Variants in CTNNA2 observed in about 807,000 individuals in gnomAD.
CTNNA2 encodes the protein catenin alpha 2, also known as catenin alpha-2.
CTNNA2 carries 42 observed loss-of-function variants against 101.0 expected under a neutral mutation model. That is an observed-to-expected ratio of 0.42 (90% CI 0.32 to 0.54). The LOEUF is 0.54. Among genes scored for constraint, CTNNA2 ranks in the 20% least tolerant of loss-of-function variants. CTNNA2 has a pLI of 0.14. For missense variants in CTNNA2, 871 were observed against 1,223.1 expected (o/e 0.71, Z 4.29); for synonymous variants, 450 against 456.4 (o/e 0.99, Z 0.18).
chr2:79,451,141 C>A (rs191299068), intron 4 of CTNNA2, among the ~76,000 whole-genome samples: 39 of 152,174 alleles, frequency 2.6e-4, no homozygotes, highest in African/African-American at 9.1e-4. Flanking sequence ...AGTTTTATTT[C>A]TCAACAAAGG....
intron 4 of CTNNA2, among the ~76,000 whole-genome samples, chr2:79,388,462 T>A (rs1678132185): frequency 6.6e-6 from 1 of 152,202 alleles, no homozygotes; most frequent in African/African-American, 2.4e-5. Flanking sequence ...TGAACAGAAT[T>A]ATTGACTATT....
rs192674513 is a variant in CTNNA2, at chr2:80,551,081, A to T, written c.1541-4612A>T. Among the ~76,000 whole-genome samples, 7 of 152,332 alleles carry T rather than the reference A, an allele frequency of 4.6e-5. No individual in the cohort carries two copies. The East Asian group carries it at 1.3e-3, about 29-fold the overall frequency. On this transcript the variant is annotated intron_variant, in intron 11 of 18. Coordinates refer to ENST00000402739, the MANE Select transcript of CTNNA2 (RefSeq NM_001282597.3). The stretch of plus-strand genomic sequence containing the variant: ...TAGATGTGTTAGCAAGCAGGAAAGC[A>T]CTATTAATCTCTGTGTATATCTCCA...
intron 3 of CTNNA2, among the ~76,000 whole-genome samples, chr2:79,764,466 T>G (rs1462039448): frequency 5.3e-5 from 8 of 152,238 alleles, no homozygotes; most frequent in Non-Finnish European, 1.2e-4. Context: ...GATTGAAGTC[T>G]AGTAATGTTG....
At chr2:80,078,838 T>A (rs1014439778) in intron 7 of CTNNA2, among the ~76,000 whole-genome samples, 1 of 152,210 alleles carries the variant, frequency 6.6e-6, no homozygotes. Flanking sequence ...TCTCCAGGCA[T>A]GTCTTATTCT....
intron 2 of CTNNA2, among the ~76,000 whole-genome samples, chr2:79,737,116 G>C (rs1670936781): frequency 6.6e-6 from 1 of 152,178 alleles, no homozygotes; most frequent in Non-Finnish European, 1.5e-5. Flanking sequence ...GGGAGGCAGA[G>C]GCAGGCGGAT....
At chr2:79,228,381 G>A (rs529204069) in intron 2 of CTNNA2, among the ~76,000 whole-genome samples, 2 of 152,192 alleles carry the variant, frequency 1.3e-5, no homozygotes, top group Admixed American at 6.5e-5. Flanking sequence ...CAGTGTAAAC[G>A]CATTCCCTTC....
chr2:80,256,972 C>G (rs1672214189), intron 7 of CTNNA2, among the ~76,000 whole-genome samples: 1 of 152,130 alleles, frequency 6.6e-6, no homozygotes, highest in Admixed American at 6.5e-5. Context: ...ACTGGGGCTT[C>G]ATTTTGTAGG....
intron 2 of CTNNA2, among the ~76,000 whole-genome samples, chr2:79,215,497 A>AT (rs1225123765): frequency 1.3e-5 from 2 of 152,136 alleles, no homozygotes; most frequent in Non-Finnish European, 2.9e-5. Flanking sequence ...GAGGGCTGGA[A>AT]TTTAATTTTT....
chr2:79,634,466 G>C (rs1679887027), intron 1 of CTNNA2: 1 of 152,072 alleles, frequency 6.6e-6, no homozygotes, highest in South Asian at 2.1e-4. Flanking sequence ...AATTTCGAAG[G>C]GGCTGCTCCT....
At chr2:79,737,578 G>A (rs1217818771) in intron 2 of CTNNA2, among the ~76,000 whole-genome samples, 1 of 152,116 alleles carries the variant, frequency 6.6e-6, no homozygotes, top group Non-Finnish European at 1.5e-5. Flanking sequence ...TGATATAGTT[G>A]GAAAATAATT....
chr2:80,614,844 C>T (rs551699698), intron 17 of CTNNA2, among the ~76,000 whole-genome samples: 1 of 151,430 alleles, frequency 6.6e-6, no homozygotes, highest in African/African-American at 2.4e-5. Flanking sequence ...TTATGGGAAG[C>T]CAAAGTGTTG....
chr2:80,412,371 T>C (rs939744834), intron 8 of CTNNA2, among the ~76,000 whole-genome samples: 1 of 152,230 alleles, frequency 6.6e-6, no homozygotes, highest in Non-Finnish European at 1.5e-5. Flanking sequence ...AGTAAAGCAT[T>C]TGTTTAATCT....
At chr2:79,470,695 G>A (rs1459883365) in intron 4 of CTNNA2, among the ~76,000 whole-genome samples, 2 of 152,134 alleles carry the variant, frequency 1.3e-5, no homozygotes, top group Non-Finnish European at 2.9e-5. Flanking sequence ...TTCTTTGAAT[G>A]CTTCTGATGC....
At chr2:80,167,962 G>A (rs899664566) in intron 7 of CTNNA2, among the ~76,000 whole-genome samples, 4 of 152,154 alleles carry the variant, frequency 2.6e-5, no homozygotes, top group South Asian at 2.1e-4. Context: ...TTTAATCAGC[G>A]TGTATTTGTG....
intron 7 of CTNNA2, among the ~76,000 whole-genome samples, chr2:80,252,249 A>G (rs1259829607): frequency 6.6e-6 from 1 of 152,174 alleles, no homozygotes; most frequent in African/African-American, 2.4e-5. Context: ...GCACATAGTT[A>G]CTGCTCAATA....
At chr2:80,389,539 C>A (rs1008780693) in intron 7 of CTNNA2, among the ~76,000 whole-genome samples, 1 of 152,138 alleles carries the variant, frequency 6.6e-6, no homozygotes, top group South Asian at 2.1e-4. Context: ...CTCTCAGTAG[C>A]TGGCTTCCTG....
intron 18 of CTNNA2, 59 bp downstream of exon 18, chr2:80,619,287 AGG>A: frequency 7.2e-7 from 1 of 1,391,838 alleles, no homozygotes; most frequent in Non-Finnish European, 9.4e-7. Context: ...TTCTGAAGGC[AGG>A]GGGGATTGGA....
chr2:80,647,657 TC>T lies in CTNNA2; in HGVS notation c.2649del (p.Tyr884MetfsTer25). On this transcript the variant is annotated frameshift_variant, in exon 19 of 19. Transcript: ENST00000402739. LOFTEE classifies it high-confidence loss of function. ...MNAVVLTVKASYVASTKYQKV... is the reference protein window; with the variant it reads ...MNAVVLTVKAXYVASTKYQKV... ...TGCTGTTGTCCTCACGGTGAAAGCA[TC>T]CTATGTGGCCTCAACCAAATACCAG... The T allele has an allele frequency of 6.2e-7, 1 of 1,613,398 alleles. No individual in the cohort carries two copies. Among genetic ancestry groups the T allele is most frequent in the Non-Finnish European group, 8.5e-7 (1 of 1,179,458 alleles).
chr2:79,257,140 GTA>G (rs1016935192), intron 2 of CTNNA2, among the ~76,000 whole-genome samples: 7 of 152,048 alleles, frequency 4.6e-5, no homozygotes, highest in African/African-American at 1.4e-4. Flanking sequence ...TTTTGCCTTT[GTA>G]TATGTTTGAA....
Sources: allele counts gnomAD v4.1 joint callset (sites outside exome capture counted in the v4.1 genomes callset), GRCh38; gene constraint gnomAD v4.1.1; transcripts MANE v1.5; gene names NCBI Gene and HGNC (gene_info 2026-07-23, HGNC 2026-07-21).